Variants in CSMD1 observed in about 807,000 individuals in gnomAD.
CSMD1 encodes CUB and sushi domain-containing protein 1.
Under a neutral mutation model 417.5 loss-of-function variants are expected in CSMD1, and 213 were observed. That is an observed-to-expected ratio of 0.51 (90% CI 0.46 to 0.57). The LOEUF is 0.57. Ranked by LOEUF, CSMD1 falls within the 20% of genes least tolerant of loss-of-function variation. The pLI is 0.00. For missense variants in CSMD1, 6,923 were observed against 4,529.7 expected, an observed-to-expected ratio of 1.53 and a Z score of -15.17; for synonymous variants, 2,862 against 1,736.8, an observed-to-expected ratio of 1.65 and a Z score of -16.11.
chr8:4,596,240 G>C (rs948955089), intron 2 of CSMD1, among the ~76,000 whole-genome samples: 1 of 152,258 alleles, frequency 6.6e-6, no homozygotes. Flanking sequence ...AAAATCATAG[G>C]ACAGTATATT....
chr8:4,487,563 C>A (rs2130183963), intron 2 of CSMD1, among the ~76,000 whole-genome samples: 1 of 152,204 alleles, frequency 6.6e-6, no homozygotes, highest in Admixed American at 6.5e-5. Flanking sequence ...TCCAGTCTAT[C>A]ATTGTTGGAC....
At position 4,863,921 on chromosome 8, in the gene CSMD1, A is replaced by AT. The variant is rs1309896882; in HGVS notation, c.85+130410dup. Among the ~76,000 whole-genome samples, 5 of 147,044 alleles carry AT rather than the reference A, an allele frequency of 3.4e-5. No homozygotes were observed. The East Asian group carries it at 7.7e-4, about 23-fold the overall frequency. On this transcript the variant is annotated intron_variant, in intron 1 of 69. Transcript: ENST00000635120. Reference sequence around the variant, plus strand: ...AAAAGCAAAAAGGAAGTGAAATGTTATTTTTCTTCATAAATAAATCCTAAA... The same window carrying AT: ...AAAAGCAAAAAGGAAGTGAAATGTTATTTTTTCTTCATAAATAAATCCTAAA...
chr8:3,521,480 C>A (rs924662445), intron 10 of CSMD1, among the ~76,000 whole-genome samples: 1 of 152,150 alleles, frequency 6.6e-6, no homozygotes, highest in African/African-American at 2.4e-5. Context: ...AGCATTGTTC[C>A]TTGCTGTGGT....
chr8:4,519,400 T>G (rs1803304713), intron 2 of CSMD1, among the ~76,000 whole-genome samples: 1 of 151,994 alleles, frequency 6.6e-6, no homozygotes, highest in African/African-American at 2.4e-5. Flanking sequence ...TAAATACATA[T>G]TCAAAATTAA....
intron 1 of CSMD1, among the ~76,000 whole-genome samples, chr8:4,684,224 C>T (rs549350692): frequency 6.6e-6 from 1 of 152,184 alleles, no homozygotes; most frequent in Non-Finnish European, 1.5e-5. Flanking sequence ...AGTGGATTTT[C>T]TTCTTTATAC....
intron 63 of CSMD1, among the ~76,000 whole-genome samples, chr8:2,956,328 G>A (rs879626368): frequency 5.3e-5 from 8 of 151,942 alleles, no homozygotes; most frequent in Non-Finnish European, 1.0e-4. Flanking sequence ...AGGAATAAAT[G>A]AGACTGTGAT....
chr8:3,987,760 G>C (rs946531790), intron 5 of CSMD1, among the ~76,000 whole-genome samples: 5 of 152,298 alleles, frequency 3.3e-5, no homozygotes, highest in African/African-American at 1.2e-4. Flanking sequence ...ATATTGACAG[G>C]ACTCAGGCCA....
In CSMD1 at chr8:3,985,948, T is replaced by C. The variant is rs940582874; in HGVS notation, c.818+11955A>G. On this transcript the variant is annotated intron_variant, in intron 5 of 69. Coordinates refer to ENST00000635120, the MANE Select transcript of CSMD1 (RefSeq NM_033225.6). ...GCATAACTCAATTTTTTTTTCTAAT[T>C]CTAGCCTAAAAGTTTCCCTGGCTGT... Among the ~76,000 whole-genome samples, 3 of 151,966 alleles carry C rather than the reference T, an allele frequency of 2.0e-5. No individual in the cohort carries two copies. In the South Asian group the frequency reaches 6.2e-4, roughly 32 times the overall value.
chr8:4,358,008 C>T (rs1801528408), intron 3 of CSMD1, among the ~76,000 whole-genome samples: 1 of 152,108 alleles, frequency 6.6e-6, no homozygotes, highest in Admixed American at 6.6e-5. Context: ...CTCCCCTTCC[C>T]ATGGAACTTC....
intron 14 of CSMD1, among the ~76,000 whole-genome samples, chr8:3,406,503 C>A (rs34951548): frequency 1.3e-5 from 2 of 152,108 alleles, no homozygotes; most frequent in African/African-American, 4.8e-5. Flanking sequence ...AAAGAGAGAA[C>A]TGATATGGTG....
chr8:3,718,339 G>T (rs1407515303), intron 6 of CSMD1, among the ~76,000 whole-genome samples: 1 of 151,934 alleles, frequency 6.6e-6, no homozygotes, highest in Admixed American at 6.6e-5. Flanking sequence ...AGGGACTTTT[G>T]AGAAAAACTG....
intron 2 of CSMD1, among the ~76,000 whole-genome samples, chr8:4,506,917 A>G (rs1802555093): frequency 6.6e-6 from 1 of 152,168 alleles, no homozygotes; most frequent in South Asian, 2.1e-4. Context: ...TCTTAGGTAC[A>G]TTTTTCTGTC....
At chr8:4,691,904 T>C (rs1196971745) in intron 1 of CSMD1, among the ~76,000 whole-genome samples, 1 of 152,238 alleles carries the variant, frequency 6.6e-6, no homozygotes, top group African/African-American at 2.4e-5. Flanking sequence ...GAACTCAGTT[T>C]GGGGACATTT....
chr8:4,058,074 C>G (rs965604670), intron 3 of CSMD1, among the ~76,000 whole-genome samples: 18 of 152,102 alleles, frequency 1.2e-4, no homozygotes, highest in South Asian at 4.1e-4. Flanking sequence ...TGTGAAGGAA[C>G]TCATTGGTAG....
intron 11 of CSMD1, among the ~76,000 whole-genome samples, chr8:3,483,442 A>G (rs1817854309): frequency 6.6e-6 from 1 of 151,910 alleles, no homozygotes; most frequent in South Asian, 2.1e-4. Context: ...AAGATAAAAC[A>G]GACAATCTAA....
At chr8:4,261,609 T>C (rs1438604795) in intron 3 of CSMD1, among the ~76,000 whole-genome samples, 1 of 152,082 alleles carries the variant, frequency 6.6e-6, no homozygotes, top group Non-Finnish European at 1.5e-5. Flanking sequence ...GAGGTCTTGC[T>C]ATGTTGCGCA....
intron 3 of CSMD1, among the ~76,000 whole-genome samples, chr8:4,039,456 C>G (rs1198250144): frequency 6.6e-6 from 1 of 152,172 alleles, no homozygotes; most frequent in Non-Finnish European, 1.5e-5. Flanking sequence ...GTCTTGAAAC[C>G]TTACATTTCT....
chr8:4,410,027 T>C (rs1199669688), intron 3 of CSMD1, among the ~76,000 whole-genome samples: 7 of 152,152 alleles, frequency 4.6e-5, no homozygotes, highest in East Asian at 1.9e-4. Context: ...TTGGCCAAGA[T>C]GGTATCAAAC....
chr8:3,558,089 T>A (rs1799240030), intron 10 of CSMD1, among the ~76,000 whole-genome samples: 2 of 149,282 alleles, frequency 1.3e-5, no homozygotes, highest in Admixed American at 1.3e-4. Flanking sequence ...GTACCCCGTG[T>A]CGACTCCTCC....
Sources: allele counts gnomAD v4.1 joint callset (sites outside exome capture counted in the v4.1 genomes callset), GRCh38; gene constraint gnomAD v4.1.1; transcripts MANE v1.5; gene names NCBI Gene and HGNC (gene_info 2026-07-23, HGNC 2026-07-21).